The following GPR160 variants were observed in gnomAD, a reference collection of about 807,000 sequenced individuals.
The protein encoded by GPR160 is G protein-coupled receptor 160, also known as probable G protein-coupled receptor 160.
A neutral mutation model predicts 2.6 loss-of-function variants in GPR160; 2 were observed. The ratio of observed to expected loss-of-function variants is 0.77; its 90% CI spans 0.32 to 2.44. The LOEUF is 2.44. Among genes scored for constraint, GPR160 ranks in the 30% most tolerant of loss-of-function variants. The pLI is 0.11. For synonymous variants in GPR160, 130 were observed against 132.2 expected (o/e 0.98, Z 0.12); for missense variants, 351 against 383.6 (o/e 0.91, Z 0.71).
At chr3:170,071,285 T>C (rs1217910566) in intron 2 of GPR160, among the ~76,000 whole-genome samples, 1 of 152,138 alleles carries the variant, frequency 6.6e-6, no homozygotes, top group Non-Finnish European at 1.5e-5. Context: ...CCCTTGGTGG[T>C]AAGTGAGCTC....
intron 2 of GPR160, among the ~76,000 whole-genome samples, chr3:170,076,943 G>A (rs930796306): frequency 3.3e-5 from 5 of 152,244 alleles, no homozygotes; most frequent in Non-Finnish European, 7.3e-5. Flanking sequence ...GAGCTTTGAA[G>A]TCAGACTTGA....
At chr3:170,042,475 T>C (rs1318242747) in intron 2 of GPR160, among the ~76,000 whole-genome samples, 1 of 147,636 alleles carries the variant, frequency 6.8e-6, no homozygotes, top group Non-Finnish European at 1.5e-5. Flanking sequence ...TTAAATCACA[T>C]CTTTAGGGAG....
At position 170,084,043 on chromosome 3, in the gene GPR160, TTAAC is replaced by T; in HGVS notation, c.74_77del (p.Asn25IlefsTer5). On this transcript the variant is annotated frameshift_variant, in exon 4 of 4. Transcript: ENST00000355897. LOFTEE classifies it low-confidence loss of function (END_TRUNC). ...CGTCAAACAAACCAGCCCCTAGATG[TTAAC>T]TATCTGCTATTCTTGATCATACTTG... 6.3e-7 allele frequency: 1 copy of T among 1,581,030 alleles called. No individual in the cohort carries two copies. Among genetic ancestry groups the T allele is most frequent in the East Asian group, 2.2e-5 (1 of 44,522 alleles).
intron 2 of GPR160, among the ~76,000 whole-genome samples, chr3:170,050,108 G>C (rs924995094): frequency 1.3e-5 from 2 of 151,272 alleles, no homozygotes; most frequent in Non-Finnish European, 2.9e-5. Flanking sequence ...TGACCAGGCT[G>C]GAGTGCAATG....
At chr3:170,051,579 G>A (rs1277619117) in intron 2 of GPR160, among the ~76,000 whole-genome samples, 1 of 152,120 alleles carries the variant, frequency 6.6e-6, no homozygotes, top group Non-Finnish European at 1.5e-5. Context: ...ACAAAAATTA[G>A]CTGGGCGCGG....
At chr3:170,055,752 A>T (rs955621407) in intron 2 of GPR160, among the ~76,000 whole-genome samples, 3 of 152,156 alleles carry the variant, frequency 2.0e-5, no homozygotes, top group Admixed American at 6.5e-5. Flanking sequence ...CTCCTGCCTC[A>T]GCCTCCTGAG....
chr3:170,045,400 TAAAAATACAAAAAAAAAAAA>T (rs1328194271), intron 2 of GPR160, among the ~76,000 whole-genome samples: 1 of 34,902 alleles, frequency 2.9e-5, no homozygotes, highest in Non-Finnish European at 5.8e-5. Flanking sequence ...CTGTCTCTAC[TAAAAATACAAAAAAAAAAAA>T]AAAAAAAAAA....
At chr3:170,056,675 A>C (rs1270103406) in intron 2 of GPR160, among the ~76,000 whole-genome samples, 1 of 152,238 alleles carries the variant, frequency 6.6e-6, no homozygotes, top group Non-Finnish European at 1.5e-5. Flanking sequence ...GAAATACTAG[A>C]AACAGAAGTC....
At chr3:170,076,105 T>C (rs1377930038) in intron 2 of GPR160, among the ~76,000 whole-genome samples, 1 of 152,186 alleles carries the variant, frequency 6.6e-6, no homozygotes, top group Non-Finnish European at 1.5e-5. Flanking sequence ...TAACTGGTTA[T>C]AGTGGTTGTA....
At chr3:170,059,850 C>A (rs6774747) in intron 2 of GPR160, among the ~76,000 whole-genome samples, 26 of 151,868 alleles carry the variant, frequency 1.7e-4, no homozygotes, top group Non-Finnish European at 2.2e-4. Context: ...CCACTCCCCC[C>A]TCTAGCAGGC....
chr3:170,074,039 C>T (rs1379437570), intron 2 of GPR160, among the ~76,000 whole-genome samples: 2 of 151,976 alleles, frequency 1.3e-5, no homozygotes. Flanking sequence ...CAGGCCAAGC[C>T]ACCATGCCCG....
chr3:170,078,804 A>G lies in GPR160; in HGVS notation c.-192-970A>G, dbSNP rs140799808. Among the ~76,000 whole-genome samples the G allele has an allele frequency of 1.3e-4, 20 of 152,296 alleles. 1 individual carries two copies. In the East Asian group the frequency reaches 3.9e-3, roughly 29 times the overall value. On this transcript the variant is annotated intron_variant, in intron 2 of 3. Transcript: ENST00000355897. ...CACACATCTGTACTCTTCAATCAAC[A>G]AAACCTGATGCAAAAAAAAGGGGGA...
Position 170,085,251 on chromosome 3 carries a change from T to TAA in GPR160, c.*263_*264dup. 1 of 242,082 alleles carries TAA rather than the reference T, an allele frequency of 4.1e-6. No homozygotes were observed. The highest frequency in any genetic ancestry group is 8.4e-6 in the Non-Finnish European group (1 of 118,526). 15.0% of individuals were successfully genotyped at this position (242,082 alleles called of 1,614,324 possible). On this transcript the variant is annotated 3_prime_UTR_variant, in exon 4 of 4. Coordinates refer to ENST00000355897, the MANE Select transcript of GPR160 (RefSeq NM_014373.3). ...ACTTTGTTATTAACACAAAAAGTGATAAGAGTTAACATTTGGCTATACTGA... is the reference window on the plus strand; with the variant it reads ...ACTTTGTTATTAACACAAAAAGTGATAAAAGAGTTAACATTTGGCTATACTGA...
chr3:170,044,187 G>A (rs7625969), intron 2 of GPR160, among the ~76,000 whole-genome samples: 2,888 of 152,006 alleles, frequency 0.019, 102 homozygotes, highest in African/African-American at 0.067. Flanking sequence ...AGCCTGGCGT[G>A]GTGGTGTATG....
intron 2 of GPR160, among the ~76,000 whole-genome samples, chr3:170,042,011 G>A (rs933746729): frequency 1.3e-5 from 2 of 152,138 alleles, no homozygotes; most frequent in Non-Finnish European, 2.9e-5. Flanking sequence ...GGGTATGAAC[G>A]CATTAGAAAA....
chr3:170,075,239 A>G (rs1377534057), intron 2 of GPR160, among the ~76,000 whole-genome samples: 1 of 152,244 alleles, frequency 6.6e-6, no homozygotes, highest in Non-Finnish European at 1.5e-5. Flanking sequence ...AAGCAAAACA[A>G]AACAAAACCA....
intron 3 of GPR160, among the ~76,000 whole-genome samples, chr3:170,080,147 G>A (rs2241295): frequency 0.31 from 47,697 of 152,058 alleles, 7,532 homozygotes; most frequent in East Asian, 0.49. Flanking sequence ...TTGAGTCCCT[G>A]TATTTTGTGA....
At chr3:170,076,067 T>A (rs1487366486) in intron 2 of GPR160, among the ~76,000 whole-genome samples, 1 of 152,186 alleles carries the variant, frequency 6.6e-6, no homozygotes, top group Non-Finnish European at 1.5e-5. Flanking sequence ...AAACTTTGCT[T>A]TAGAATATCT....
chr3:170,065,351 A>G (rs1412279912), intron 2 of GPR160, among the ~76,000 whole-genome samples: 1 of 152,056 alleles, frequency 6.6e-6, no homozygotes, highest in African/African-American at 2.4e-5. Context: ...TGGAATTTCC[A>G]CCTTCCTGGA....
Sources: gnomAD v4.1 joint callset for allele counts (sites outside exome capture counted in the v4.1 genomes callset) on GRCh38, gnomAD v4.1.1 for gene constraint, MANE v1.5 for transcripts, NCBI Gene and HGNC (gene_info 2026-07-23, HGNC 2026-07-21) for gene names.